CYP46A1: variants seen among roughly 807,000 people sequenced by gnomAD.
CYP46A1 encodes cytochrome P450 family 46 subfamily A member 1, also known as cholesterol 24-hydroxylase.
CYP46A1 carries 20 observed loss-of-function variants against 63.3 expected under a neutral mutation model. That is an observed-to-expected ratio of 0.32 (90% CI 0.22 to 0.46). CYP46A1 has a LOEUF of 0.46. CYP46A1 is among the 20% of genes least tolerant of loss of function. The pLI is 1.00. For missense variants in CYP46A1, 445 were observed against 670.8 expected, an observed-to-expected ratio of 0.66 and a Z score of 3.72; for synonymous variants, 268 against 273.6, an observed-to-expected ratio of 0.98 and a Z score of 0.20.
At chr14:99,726,503 A>G in intron 14 of CYP46A1, 54 bp from the exon 15 acceptor site, 2 of 1,458,202 alleles carry the variant, frequency 1.4e-6, no homozygotes, top group Non-Finnish European at 1.8e-6. Flanking sequence ...TCATTCACTC[A>G]CTCATTCTGT....
chr14:99,688,381 T>C (rs2056513495), intron 1 of CYP46A1, among the ~76,000 whole-genome samples: 1 of 151,878 alleles, frequency 6.6e-6, no homozygotes, highest in Non-Finnish European at 1.5e-5. Flanking sequence ...TCCCCCTCCA[T>C]CCGCACTCTC....
intron 2 of CYP46A1, 66 bp downstream of exon 2, chr14:99,691,227 A>G: frequency 1.3e-6 from 2 of 1,499,530 alleles, no homozygotes; most frequent in Non-Finnish European, 1.9e-6. Context: ...CCCCAACCCA[A>G]TCCAGCACAC....
intron 7 of CYP46A1, among the ~76,000 whole-genome samples, chr14:99,713,925 C>T (rs1394541569): frequency 2.3e-5 from 3 of 128,874 alleles, no homozygotes; most frequent in Non-Finnish European, 3.3e-5. Flanking sequence ...CTATATTAAA[C>T]TAAAAAGGTT....
intron 5 of CYP46A1, among the ~76,000 whole-genome samples, chr14:99,700,442 G>A (rs193173223): frequency 1.9e-4 from 29 of 152,270 alleles, no homozygotes; most frequent in African/African-American, 6.5e-4. Context: ...ATTCATTTGA[G>A]TTTTTATGTT....
At chr14:99,690,762 C>A (rs1952423) in intron 1 of CYP46A1, among the ~76,000 whole-genome samples, 36,192 of 151,978 alleles carry the variant, frequency 0.24, 4,534 homozygotes, top group African/African-American at 0.33. Context: ...GGTGCCCAGC[C>A]TGGTCAGTAT....
intron 9 of CYP46A1, among the ~76,000 whole-genome samples, chr14:99,716,853 C>A (rs567651104): frequency 1.3e-5 from 2 of 152,314 alleles, no homozygotes; most frequent in Admixed American, 1.3e-4. Context: ...AATACACGAA[C>A]AAATGATTGA....
chr14:99,700,154 C>T, intron 5 of CYP46A1, 53 bp downstream of exon 5: 1 of 1,442,650 alleles, frequency 6.9e-7, no homozygotes, highest in Non-Finnish European at 9.4e-7. Context: ...GCAGTAGGGG[C>T]TGCCGAAGTG....
Position 99,707,613 on chromosome 14 carries a change from C to T in CYP46A1, c.628C>T (p.Pro210Ser), listed in dbSNP as rs1200497551. 6.2e-7 allele frequency: 1 copy of T among 1,614,004 alleles called. No individual in the cohort carries two copies. Among genetic ancestry groups the T allele is most frequent in the African/African-American group, 1.3e-5 (1 of 74,924 alleles). The change falls in exon 7 of 15, where the codon CCT becomes TCT. Residue 210 changes from proline to serine, a missense_variant. Around this residue, in one of 4 missense-constraint regions of CYP46A1, gnomAD observed 252 missense variants for 383.3 expected, o/e 0.66. Coordinates refer to ENST00000261835, the MANE Select transcript of CYP46A1 (RefSeq NM_006668.2). ...ETSMLLGAQK[P>S]LSQAVKLMLE... ...CAGTATGCTGCTGGGTGCCCAGAAG[C>T]CTCTGTCCCAGGCAGTGAAACTTAT...
intron 14 of CYP46A1, 39 bp downstream of exon 14, chr14:99,726,295 TGC>T (rs2056896480): frequency 1.2e-6 from 2 of 1,600,258 alleles, no homozygotes; most frequent in African/African-American, 1.3e-5. Flanking sequence ...CAGGAGTAGC[TGC>T]AGGGGTGGGG....
At chr14:99,702,569 GT>G (rs778278371) in intron 5 of CYP46A1, among the ~76,000 whole-genome samples, 4 of 152,090 alleles carry the variant, frequency 2.6e-5, no homozygotes, top group Non-Finnish European at 4.4e-5. Flanking sequence ...CCAGAATAGT[GT>G]AAGGGACTCT....
At chr14:99,684,685 T>A in intron 1 of CYP46A1, 149 bp downstream of exon 1, 2 of 697,208 alleles carry the variant, frequency 2.9e-6, no homozygotes, top group Non-Finnish European at 5.1e-6. Flanking sequence ...GCGCTAACTA[T>A]TCTTAGTAAC....
intron 7 of CYP46A1, chr14:99,713,567 C>T (rs1414880254): frequency 6.6e-6 from 1 of 151,840 alleles, no homozygotes; most frequent in Non-Finnish European, 1.5e-5. Flanking sequence ...TTCAAAAATA[C>T]AGGCAACAAC....
intron 8 of CYP46A1, 42 bp from the exon 9 acceptor site, chr14:99,716,095 A>G: frequency 6.2e-7 from 1 of 1,613,484 alleles, no homozygotes; most frequent in Non-Finnish European, 8.5e-7. Flanking sequence ...GGGGAAAGGG[A>G]GCAAAGATTT....
chr14:99,726,893 C>T lies in CYP46A1; in HGVS notation c.*166C>T. 3 of 531,920 alleles carry T rather than the reference C, an allele frequency of 5.6e-6. No individual in the cohort carries two copies. The highest frequency in any genetic ancestry group is 7.2e-5 in the Admixed American group (2 of 27,742). 33.0% of individuals were successfully genotyped at this position (531,920 alleles called of 1,614,324 possible). A position where few individuals can be genotyped will look rare whatever the true frequency, so the allele number is the denominator to read the frequency against. ...CGCCTGCTTCACACCCCTCAGCGCTCCCTGTCGCCTGCGGACTCCATGGCC... is the reference window on the plus strand; with the variant it reads ...CGCCTGCTTCACACCCCTCAGCGCTTCCTGTCGCCTGCGGACTCCATGGCC... On this transcript the variant is annotated 3_prime_UTR_variant, in exon 15 of 15. Coordinates refer to ENST00000261835, the MANE Select transcript of CYP46A1 (RefSeq NM_006668.2).
chr14:99,693,938 C>A (rs544882290), intron 3 of CYP46A1, among the ~76,000 whole-genome samples: 31 of 152,254 alleles, frequency 2.0e-4, no homozygotes, highest in Admixed American at 5.9e-4. Flanking sequence ...AGAACTTTTT[C>A]ATCTTCCCTA....
chr14:99,704,355 C>T (rs953472861), intron 5 of CYP46A1, among the ~76,000 whole-genome samples: 1 of 152,140 alleles, frequency 6.6e-6, no homozygotes, highest in African/African-American at 2.4e-5. Flanking sequence ...TAGAAGATGC[C>T]TGTGTTTATG....
chr14:99,721,026 G>A (rs958517476), intron 10 of CYP46A1, among the ~76,000 whole-genome samples: 100 of 152,008 alleles, frequency 6.6e-4, no homozygotes, highest in Middle Eastern at 6.8e-3. Flanking sequence ...GAGGGCGGAG[G>A]TTGCAGTGAG....
At chr14:99,719,121 A>G in intron 10 of CYP46A1, among the ~76,000 whole-genome samples, 1 of 152,108 alleles carries the variant, frequency 6.6e-6, no homozygotes, top group East Asian at 1.9e-4. Flanking sequence ...TTGTGGTAAA[A>G]TATACATAAC....
At position 99,684,631 on chromosome 14, in the gene CYP46A1, C is replaced by T. The variant is rs963067444; in HGVS notation, c.119+95C>T. 9.9e-6 allele frequency: 11 copies of T among 1,112,340 alleles called. No individual in the cohort carries two copies. The African/African-American group carries it at 1.4e-4, about 14-fold the overall frequency. 68.9% of individuals were successfully genotyped at this position (1,112,340 alleles called of 1,614,324 possible). The stretch of plus-strand genomic sequence containing the variant: ...GGCGTCCAGGCCGGGGGTCCGGCCT[C>T]GCCTAGTGCGCGCGGCCGCTGGGAG... On this transcript the variant is annotated intron_variant, in intron 1 of 14. Transcript: ENST00000261835.
Sources: gnomAD v4.1 joint callset for allele counts (sites outside exome capture counted in the v4.1 genomes callset) on GRCh38, gnomAD v4.1.1 for gene constraint, gnomAD v4.1.1 regional missense constraint, MANE v1.5 for transcripts, NCBI Gene and HGNC (gene_info 2026-07-23, HGNC 2026-07-21) for gene names.